The following DOK4 variants were observed in gnomAD, a reference collection of about 807,000 sequenced individuals.
DOK4 encodes downstream of tyrosine kinase 4.
In DOK4, 26 loss-of-function variants were observed where a neutral mutation model predicts 40.1. The ratio of observed to expected loss-of-function variants is 0.65; its 90% CI spans 0.48 to 0.90. The LOEUF (loss-of-function observed/expected upper bound fraction) is 0.90. DOK4 is among the 40% of genes least tolerant of loss of function. The pLI is 0.00. For synonymous variants in DOK4, 179 were observed against 177.0 expected, an observed-to-expected ratio of 1.01 and a Z score of -0.09; for missense variants, 392 against 437.2, an observed-to-expected ratio of 0.90 and a Z score of 0.92.
chr16:57,478,093 A>G (rs1333515841), intron 2 of DOK4, among the ~76,000 whole-genome samples: 2 of 152,344 alleles, frequency 1.3e-5, no homozygotes, highest in East Asian at 3.9e-4. Flanking sequence ...AAGTGATGTT[A>G]GAAGCGAAGC....
exon 9 of DOK4, chr16:57,473,318 T>C: frequency 1.3e-6 from 2 of 1,566,008 alleles, no homozygotes; most frequent in South Asian, 2.4e-5. Flanking sequence ...CACGGTACAC[T>C]GCAGCCAGCC....
intron 1 of DOK4, among the ~76,000 whole-genome samples, chr16:57,484,504 C>T (rs1378750135): frequency 1.3e-5 from 2 of 152,178 alleles, no homozygotes; most frequent in Non-Finnish European, 2.9e-5. Flanking sequence ...ACCAAATACC[C>T]ATCTAGGCAG....
At chr16:57,472,280 AAAAAC>A (rs2030888673) in exon 9 of DOK4, 1 of 152,658 alleles carries the variant, frequency 6.6e-6, no homozygotes, top group Non-Finnish European at 1.5e-5. Flanking sequence ...TAAAGTATTA[AAAAAC>A]AAAACCCAAA....
At chr16:57,481,137 CCAGCAGCTTGGCATTAATTAA>C in intron 1 of DOK4, among the ~76,000 whole-genome samples, 1 of 152,164 alleles carries the variant, frequency 6.6e-6, no homozygotes, top group East Asian at 1.9e-4. Context: ...GCTGGTTGTG[CCAGCAGCTTGGCATTAATTAA>C]TGTCCTGGAG....
chr16:57,473,198 A>G (rs2030948446), exon 9 of DOK4: 4 of 849,196 alleles, frequency 4.7e-6, no homozygotes, highest in Non-Finnish European at 7.1e-6. Context: ...ACACATGCTC[A>G]GGTGGTGTGG....
intron 2 of DOK4, among the ~76,000 whole-genome samples, chr16:57,477,245 A>AGCC (rs1302630376): frequency 1.3e-5 from 2 of 152,146 alleles, no homozygotes; most frequent in Non-Finnish European, 2.9e-5. Context: ...TACCACTCAG[A>AGCC]GCCAGGCCAT....
In DOK4 at chr16:57,485,382, G is replaced by A. The variant is rs1425322659; in HGVS notation, c.-182+923C>T. Among the ~76,000 whole-genome samples the A allele has an allele frequency of 1.3e-5, 2 of 152,200 alleles. No homozygotes were observed. Among genetic ancestry groups the A allele is most frequent in the African/African-American group, 4.8e-5 (2 of 41,454 alleles). On this transcript the variant is annotated intron_variant, in intron 1 of 8. Coordinates refer to ENST00000340099, the Ensembl canonical transcript of DOK4. The surrounding 1 kb of genome is among the most constrained non-coding windows in gnomAD (Gnocchi z 4.3). ...CAAGGCAAGCAACTGGGGAGAGGAG[G>A]CACAGCTCCTGGGATCAGAGTTGGG...
At chr16:57,472,133 CGTT>C (rs1183830792) in exon 9 of DOK4, 1 of 152,550 alleles carries the variant, frequency 6.6e-6, no homozygotes, top group African/African-American at 2.4e-5. Context: ...CCCCGGGTCA[CGTT>C]GAGAGCGAGG....
exon 5 of DOK4, chr16:57,475,217 G>C: frequency 6.2e-7 from 1 of 1,611,996 alleles, no homozygotes; most frequent in Non-Finnish European, 8.5e-7. Flanking sequence ...TCTGCCTCTA[G>C]CTCTGAAGAA....
Position 57,473,996 on chromosome 16 carries a change from C to A in DOK4, c.643G>T (p.Glu215Ter). The A allele has an allele frequency of 6.2e-7, 1 of 1,614,170 alleles. No individual in the cohort carries two copies. The highest frequency in any genetic ancestry group is 8.5e-7 in the Non-Finnish European group (1 of 1,180,028). The change falls in exon 7 of 9, where the codon GAG becomes TAG. Residue 215 changes from glutamate to a stop codon, truncating the protein, a stop_gained. Coordinates refer to ENST00000340099, the Ensembl canonical transcript of DOK4. LOFTEE classifies it high-confidence loss of function. ...ACGCGCTGGTAAATCTGCTCCCCCTCTTGTGTCTGGAAGGTATAGAGTCCT... is the reference window on the plus strand; with the variant it reads ...ACGCGCTGGTAAATCTGCTCCCCCTATTGTGTCTGGAAGGTATAGAGTCCT...
chr16:57,477,014 G>A (rs1281193101), intron 2 of DOK4, among the ~76,000 whole-genome samples: 8 of 152,206 alleles, frequency 5.3e-5, no homozygotes, highest in Non-Finnish European at 1.2e-4. Flanking sequence ...TCCTTCCAGC[G>A]GGCATTCCAA....
In DOK4 at chr16:57,473,664, AG is replaced by A; in HGVS notation, c.810del (p.Trp271GlyfsTer39). 6.2e-7 allele frequency: 1 copy of A among 1,614,252 alleles called. No homozygotes were observed. Among genetic ancestry groups the A allele is most frequent in the Non-Finnish European group, 8.5e-7 (1 of 1,180,044 alleles). On this transcript the variant is annotated frameshift_variant, in exon 8 of 9. Coordinates refer to ENST00000340099, the Ensembl canonical transcript of DOK4. LOFTEE classifies it high-confidence loss of function. ...TTCTGGGAACCAGTGATGTGGTGCCAGTAGGCACTGCGCGGCAGCATGGTCG... is the reference window on the plus strand; with the variant it reads ...TTCTGGGAACCAGTGATGTGGTGCCATAGGCACTGCGCGGCAGCATGGTCG...
At chr16:57,478,602 G>A (rs746389702) in intron 2 of DOK4, 1 of 152,234 alleles carries the variant, frequency 6.6e-6, no homozygotes, top group African/African-American at 2.4e-5. Context: ...CAGCCTCGCC[G>A]AGATCATGAA....
At chr16:57,484,924 G>A (rs1171818837) in intron 1 of DOK4, among the ~76,000 whole-genome samples, 4 of 152,212 alleles carry the variant, frequency 2.6e-5, no homozygotes, top group African/African-American at 4.8e-5. Flanking sequence ...GCTCGGCCTC[G>A]TCTGTCTAGT....
rs1192554710 is a variant in DOK4, at chr16:57,482,870, G to A, written c.-181-3182C>T. On this transcript the variant is annotated intron_variant, in intron 1 of 8. Coordinates refer to ENST00000340099, the Ensembl canonical transcript of DOK4. ...TCAAGAGTTGCTGCCCAGACAGGGC[G>A]GTGAAACCACCAGAAGCCAGCCTGC... Among the ~76,000 whole-genome samples, 5 of 152,188 alleles carry A rather than the reference G, an allele frequency of 3.3e-5. No individual in the cohort carries two copies. The South Asian group carries it at 6.2e-4, about 19-fold the overall frequency.
rs1204857078 is a variant in DOK4 at position 57,474,964 on chromosome 16, AG to A, written c.427del (p.Leu143CysfsTer32). ...CACGTCCAGGTTGGGGCAGGGCAGC[AG>A]GAAGACATTGAAGCGATCTGGAGTG... On this transcript the variant is annotated frameshift_variant, in exon 6 of 9. Transcript: ENST00000340099. LOFTEE classifies it high-confidence loss of function. The A allele has an allele frequency of 8.1e-6, 13 of 1,611,326 alleles. No homozygotes were observed. Among genetic ancestry groups the A allele is most frequent in the Non-Finnish European group, 1.1e-5 (13 of 1,178,072 alleles).
At chr16:57,476,124 T>TGGGAGAGAAGCCTCCTCCCC in intron 2 of DOK4, 167 bp from the exon 3 acceptor site, 1 of 604,896 alleles carries the variant, frequency 1.7e-6, no homozygotes, top group Non-Finnish European at 2.9e-6. Context: ...GTCACCTCCC[T>TGGGAGAGAAGCCTCCTCCCC]GGGAGAGAAG....
chr16:57,476,068 C>G (rs2031170426), intron 2 of DOK4, 111 bp from the exon 3 acceptor site: 5 of 909,126 alleles, frequency 5.5e-6, no homozygotes, highest in Non-Finnish European at 8.6e-6. Flanking sequence ...ACAGCCTTCC[C>G]TGGAGCCCCA....
chr16:57,486,916 C>T (rs1218311352), upstream of DOK4, among the ~76,000 whole-genome samples: 1 of 152,204 alleles, frequency 6.6e-6, no homozygotes, highest in Non-Finnish European at 1.5e-5. Context: ...CCCAGCCCCA[C>T]AGTGACCTCC....
Sources: allele counts gnomAD v4.1 joint callset (sites outside exome capture counted in the v4.1 genomes callset), GRCh38; gene constraint gnomAD v4.1.1; non-coding constraint Gnocchi (gnomAD v3.1); transcripts MANE v1.5; gene names NCBI Gene and HGNC (gene_info 2026-07-23, HGNC 2026-07-21).